The following MRTFA variants were observed in gnomAD, a reference collection of about 807,000 sequenced individuals.
MRTFA encodes myocardin-related transcription factor A.
A neutral mutation model predicts 83.5 loss-of-function variants in MRTFA; 20 were observed. That is an observed-to-expected ratio of 0.24 (90% confidence interval 0.17 to 0.35). The LOEUF is 0.35. Ranked by LOEUF, MRTFA falls within the 10% of genes least tolerant of loss-of-function variation. MRTFA has a pLI of 1.00. For missense variants in MRTFA, 1,200 were observed against 1,224.7 expected, an observed-to-expected ratio of 0.98 and a Z score of 0.30; for synonymous variants, 659 against 541.2, an observed-to-expected ratio of 1.22 and a Z score of -3.02.
chr22:40,586,991 G>A, intron 2 of MRTFA: 2 of 461,716 alleles, frequency 4.3e-6, no homozygotes, highest in East Asian at 6.6e-5. Flanking sequence ...TGCTGGCCTG[G>A]CAAAGCCTGG....
intron 1 of MRTFA, among the ~76,000 whole-genome samples, chr22:40,619,686 G>A (rs944112531): frequency 9.2e-5 from 14 of 151,800 alleles, no homozygotes; most frequent in African/African-American, 2.7e-4. Flanking sequence ...TCAGGAGATC[G>A]AGACCATCCT....
intron 1 of MRTFA, among the ~76,000 whole-genome samples, chr22:40,619,311 T>C (rs1340768205): frequency 6.6e-6 from 1 of 151,168 alleles, no homozygotes; most frequent in Non-Finnish European, 1.5e-5. Context: ...CATATACTTT[T>C]ATAAACAGAA....
intron 3 of MRTFA, among the ~76,000 whole-genome samples, chr22:40,541,067 A>G (rs2055282408): frequency 6.6e-6 from 1 of 152,210 alleles, no homozygotes; most frequent in Admixed American, 6.5e-5. Context: ...TAACATAAAC[A>G]AAGACATTCA....
intron 1 of MRTFA, among the ~76,000 whole-genome samples, chr22:40,622,542 G>A (rs530974454): frequency 6.6e-6 from 1 of 151,774 alleles, no homozygotes; most frequent in Non-Finnish European, 1.5e-5. Context: ...TACAAGAGAA[G>A]AGGGAGGCAG....
At position 40,495,043 on chromosome 22, in the gene MRTFA, T is replaced by A. The variant is rs185894949; in HGVS notation, c.242-31757A>T. Among the ~76,000 whole-genome samples the A allele has an allele frequency of 6.5e-3, 989 of 152,054 alleles. 6 individuals are homozygous for A. Among genetic ancestry groups the A allele is most frequent in the South Asian group, 0.015 (72 of 4,826 alleles). On this transcript the variant is annotated intron_variant, in intron 3 of 14. Coordinates refer to ENST00000355630, the MANE Select transcript of MRTFA (RefSeq NM_020831.6). Reference sequence around the variant, plus strand: ...TAAACTGATCTCAACTTTTTTTTTTTTAAAAAAGCAGATTACAAGATATTA... The same window carrying A: ...TAAACTGATCTCAACTTTTTTTTTTATAAAAAAGCAGATTACAAGATATTA...
intron 5 of MRTFA, among the ~76,000 whole-genome samples, chr22:40,435,214 G>A (rs2053145148): frequency 6.6e-6 from 1 of 152,220 alleles, no homozygotes; most frequent in South Asian, 2.1e-4. Flanking sequence ...CCAAAATTCA[G>A]GCAAGGAGGA....
chr22:40,624,834 C>T (rs1368959942), intron 1 of MRTFA, among the ~76,000 whole-genome samples: 1 of 152,188 alleles, frequency 6.6e-6, no homozygotes, highest in Non-Finnish European at 1.5e-5. Context: ...GCCTGGTTTC[C>T]ATATATATTG....
chr22:40,593,126 A>G (rs917732179), intron 2 of MRTFA, among the ~76,000 whole-genome samples: 1 of 151,064 alleles, frequency 6.6e-6, no homozygotes, highest in Non-Finnish European at 1.5e-5. Flanking sequence ...CTAATTTCAA[A>G]CCCGCCAGTC....
chr22:40,498,271 ATATTTTTT>A (rs1353306889), intron 3 of MRTFA, among the ~76,000 whole-genome samples: 2 of 81,628 alleles, frequency 2.5e-5, no homozygotes, highest in South Asian at 8.5e-4. Context: ...ATATATATAT[ATATTTTTT>A]TTTTTTTTTT....
intron 3 of MRTFA, among the ~76,000 whole-genome samples, chr22:40,500,317 C>CT (rs112101641): frequency 0.13 from 16,810 of 134,194 alleles, 1,110 homozygotes; most frequent in East Asian, 0.26. Flanking sequence ...ATATTGCTTT[C>CT]TTTTTTTTTG....
chr22:40,487,505 T>C (rs1390626620), intron 3 of MRTFA, among the ~76,000 whole-genome samples: 2 of 152,128 alleles, frequency 1.3e-5, no homozygotes, highest in African/African-American at 4.8e-5. Context: ...TTTGGGTTCT[T>C]GACTACCAGA....
At chr22:40,514,744 T>C (rs924631830) in intron 3 of MRTFA, among the ~76,000 whole-genome samples, 10 of 151,344 alleles carry the variant, frequency 6.6e-5, no homozygotes, top group Non-Finnish European at 1.5e-4. Context: ...CCTCCCAAAG[T>C]GCTGAGATTA....
chr22:40,587,475 C>A, intron 2 of MRTFA: 1 of 330,646 alleles, frequency 3.0e-6, no homozygotes, highest in South Asian at 2.5e-5. Context: ...TTTTTTGTAT[C>A]ACTCCAGGCT....
At chr22:40,514,370 T>C (rs898497025) in intron 3 of MRTFA, among the ~76,000 whole-genome samples, 1 of 152,082 alleles carries the variant, frequency 6.6e-6, no homozygotes, top group African/African-American at 2.4e-5. Flanking sequence ...AACTGTGGTT[T>C]ATATATCTTT....
chr22:40,516,955 C>G (rs190955931), intron 3 of MRTFA, among the ~76,000 whole-genome samples: 1 of 151,800 alleles, frequency 6.6e-6, no homozygotes, highest in Admixed American at 6.6e-5. Flanking sequence ...CAGGCTCTCA[C>G]TCTGTCACCC....
intron 3 of MRTFA, among the ~76,000 whole-genome samples, chr22:40,497,253 T>C (rs1666394587): frequency 6.6e-6 from 1 of 152,216 alleles, no homozygotes; most frequent in Non-Finnish European, 1.5e-5. Flanking sequence ...TAAAATCATT[T>C]TTGTTTAAGT....
Position 40,450,810 on chromosome 22 carries a change from G to A in MRTFA, c.307+12411C>T, listed in dbSNP as rs550125267. On this transcript the variant is annotated intron_variant, in intron 4 of 14. Transcript: ENST00000355630. ...TTGAAATTTTGGCGAAAGCATAGCA[G>A]GCTGTCATCACAAAAATTCCAATGT... Among the ~76,000 whole-genome samples the A allele has an allele frequency of 3.3e-5, 5 of 152,204 alleles. No individual in the cohort carries two copies. In the South Asian group the frequency reaches 1.0e-3, roughly 32 times the overall value.
chr22:40,454,114 T>C (rs2053543547), intron 4 of MRTFA, among the ~76,000 whole-genome samples: 1 of 152,230 alleles, frequency 6.6e-6, no homozygotes, highest in South Asian at 2.1e-4. Context: ...ACTGTATTTA[T>C]TGGAAAACAG....
intron 14 of MRTFA, among the ~76,000 whole-genome samples, chr22:40,414,523 T>G (rs1376266328): frequency 6.6e-6 from 1 of 152,168 alleles, no homozygotes; most frequent in Non-Finnish European, 1.5e-5. Context: ...GAATCCACAC[T>G]ACAGGGTATG....
Sources: allele counts gnomAD v4.1 joint callset (sites outside exome capture counted in the v4.1 genomes callset), GRCh38; gene constraint gnomAD v4.1.1; transcripts MANE v1.5; gene names NCBI Gene and HGNC (gene_info 2026-07-23, HGNC 2026-07-21).